The following NTRK3 variants were observed in gnomAD, a reference collection of about 807,000 sequenced individuals.
The protein encoded by NTRK3 is neurotrophic receptor tyrosine kinase 3.
NTRK3 carries 24 observed loss-of-function variants against 91.7 expected under a neutral mutation model. The ratio of observed to expected loss-of-function variants is 0.26; its 90% CI spans 0.19 to 0.37. The LOEUF (loss-of-function observed/expected upper bound fraction) is 0.37, where lower values mean the gene tolerates loss of function less well. NTRK3 is among the 10% of genes least tolerant of loss of function. The pLI, the probability that NTRK3 is intolerant of heterozygous loss-of-function variation, is 1.00. For synonymous variants in NTRK3, 483 were observed against 404.0 expected (o/e 1.20, Z -2.34); for missense variants, 880 against 1,068.9 (o/e 0.82, Z 2.46).
chr15:88,210,195 C>T (rs2049121356), intron 3 of NTRK3: 1 of 152,176 alleles, frequency 6.6e-6, no homozygotes, highest in South Asian at 2.1e-4. Flanking sequence ...GAGCCCACAC[C>T]TAGGAAGAAA....
At chr15:88,123,032 G>A (rs2052896848) in intron 13 of NTRK3, among the ~76,000 whole-genome samples, 1 of 152,156 alleles carries the variant, frequency 6.6e-6, no homozygotes, top group Admixed American at 6.5e-5. Context: ...GTATAATAAA[G>A]GCATTTTACT....
At chr15:87,930,637 C>T (rs139175894) in intron 16 of NTRK3, among the ~76,000 whole-genome samples, 200 of 152,170 alleles carry the variant, frequency 1.3e-3, no homozygotes, top group African/African-American at 4.6e-3. Flanking sequence ...GGTTGGCCTG[C>T]GGGTTATGGA....
intron 18 of NTRK3, among the ~76,000 whole-genome samples, chr15:87,878,477 G>A (rs1255112902): frequency 6.6e-6 from 1 of 152,132 alleles, no homozygotes; most frequent in Admixed American, 6.5e-5. Context: ...GTCTCCAGCT[G>A]CTTATATTCC....
chr15:87,903,812 C>T lies in NTRK3; in HGVS notation c.2134-23384G>A, dbSNP rs114505272. Among the ~76,000 whole-genome samples, 366 of 152,304 alleles carry T rather than the reference C, an allele frequency of 2.4e-3. 1 individual carries two copies. The highest frequency in any genetic ancestry group is 8.1e-3 in the African/African-American group (338 of 41,576). Reference sequence around the variant, plus strand: ...GGGATAGCAATGAAAAGGGGGGAAACCACATTCCACAATTTCAAAACCATT... The same window carrying T: ...GGGATAGCAATGAAAAGGGGGGAAATCACATTCCACAATTTCAAAACCATT... On this transcript the variant is annotated intron_variant, in intron 17 of 18. Coordinates refer to ENST00000394480, the Ensembl canonical transcript of NTRK3.
intron 3 of NTRK3, among the ~76,000 whole-genome samples, chr15:88,188,324 G>A (rs2047113838): frequency 6.6e-6 from 1 of 152,212 alleles, no homozygotes; most frequent in Admixed American, 6.5e-5. Context: ...CTCAAAGGGA[G>A]GCGATTTTGC....
At chr15:88,140,386 C>A (rs1597547751) in intron 6 of NTRK3, among the ~76,000 whole-genome samples, 1 of 152,324 alleles carries the variant, frequency 6.6e-6, no homozygotes, top group East Asian at 1.9e-4. Context: ...CCAGACCCAG[C>A]TGTAACCCTG....
At chr15:88,143,471 T>A (rs1400037795) in intron 6 of NTRK3, among the ~76,000 whole-genome samples, 1 of 152,214 alleles carries the variant, frequency 6.6e-6, no homozygotes, top group Non-Finnish European at 1.5e-5. Context: ...AATGTTCTAT[T>A]GTTTTAAGCC....
chr15:87,869,091 C>A (rs1417920977), exon 19 of NTRK3: 1 of 228,522 alleles, frequency 4.4e-6, no homozygotes, highest in Non-Finnish European at 8.7e-6. Flanking sequence ...GTTTTTCATG[C>A]CTTAATTTGC....
At chr15:87,974,328 G>A (rs1417101347) in intron 14 of NTRK3, among the ~76,000 whole-genome samples, 1 of 152,138 alleles carries the variant, frequency 6.6e-6, no homozygotes, top group Non-Finnish European at 1.5e-5. Context: ...GTCTTTTTAG[G>A]GTGAGCATTG....
At chr15:88,051,645 T>C (rs552538107) in intron 13 of NTRK3, among the ~76,000 whole-genome samples, 1 of 152,366 alleles carries the variant, frequency 6.6e-6, no homozygotes, top group Admixed American at 6.5e-5. Flanking sequence ...CAGACTATTG[T>C]TGGGGTTAAA....
intron 14 of NTRK3, among the ~76,000 whole-genome samples, chr15:87,997,601 C>G (rs556252175): frequency 6.6e-6 from 1 of 152,248 alleles, no homozygotes; most frequent in Non-Finnish European, 1.5e-5. Context: ...ATCATATACT[C>G]TTATTCTAAA....
chr15:88,045,307 C>G (rs775014127), intron 13 of NTRK3, among the ~76,000 whole-genome samples: 5 of 152,110 alleles, frequency 3.3e-5, no homozygotes, highest in Non-Finnish European at 7.4e-5. Context: ...GCATTTGAAC[C>G]CATCCTGCTG....
exon 19 of NTRK3, chr15:87,875,039 T>A (rs1270397734): frequency 4.3e-6 from 1 of 230,520 alleles, no homozygotes; most frequent in African/African-American, 2.2e-5. Context: ...AATAAAAATA[T>A]TTGTGGGTCT....
intron 14 of NTRK3, among the ~76,000 whole-genome samples, chr15:87,985,871 A>G (rs2074724401): frequency 6.6e-6 from 1 of 152,264 alleles, no homozygotes; most frequent in South Asian, 2.1e-4. Context: ...ACTCAAAAAA[A>G]GGGGGGAGGT....
chr15:87,892,804 T>C (rs891768049), intron 17 of NTRK3, among the ~76,000 whole-genome samples: 1 of 152,164 alleles, frequency 6.6e-6, no homozygotes, highest in African/African-American at 2.4e-5. Context: ...CATAAAAATA[T>C]ATAAAGATAA....
intron 6 of NTRK3, among the ~76,000 whole-genome samples, chr15:88,139,935 T>TGGGGGGGGGGGGGGGGGGGGGGGG (rs1250512649): frequency 4.7e-5 from 1 of 21,138 alleles, no homozygotes; most frequent in African/African-American, 1.9e-4. Flanking sequence ...GGGGGGAGTG[T>TGGGGGGGGGGGGGGGGGGGGGGGG]GGGGGGTGGG....
At chr15:88,132,146 G>C (rs1567486144) in intron 10 of NTRK3, 1 of 179,834 alleles carries the variant, frequency 5.6e-6, no homozygotes. Context: ...TGGCAACGTG[G>C]TTCCATGACA....
chr15:88,052,218 A>AT (rs1183057192), intron 13 of NTRK3, among the ~76,000 whole-genome samples: 272 of 152,344 alleles, frequency 1.8e-3, no homozygotes, highest in African/African-American at 6.4e-3. Flanking sequence ...ATAGGACAGG[A>AT]GGTAGCCTGC....
chr15:88,010,207 G>A (rs767011302), intron 14 of NTRK3, among the ~76,000 whole-genome samples: 7 of 152,096 alleles, frequency 4.6e-5, no homozygotes, highest in Non-Finnish European at 8.8e-5. Flanking sequence ...TCCAGTCTCT[G>A]TCTACTCCTT....
Sources: allele counts gnomAD v4.1 joint callset (sites outside exome capture counted in the v4.1 genomes callset), GRCh38; gene constraint gnomAD v4.1.1; transcripts MANE v1.5; gene names NCBI Gene and HGNC (gene_info 2026-07-23, HGNC 2026-07-21).